Variants in TEX35 observed in about 807,000 individuals in gnomAD.
The protein encoded by TEX35 is testis expressed 35, also known as testis-expressed protein 35.
In TEX35, 26 loss-of-function variants were observed where a neutral mutation model predicts 31.9. The observed-to-expected ratio is 0.81, with a 90% CI of 0.60 to 1.13. The LOEUF is 1.13. TEX35 is among the 50% of genes most tolerant of loss of function. The pLI, the probability that TEX35 is intolerant of heterozygous loss-of-function variation, is 0.00. For synonymous variants in TEX35, 87 were observed against 90.7 expected, an observed-to-expected ratio of 0.96 and a Z score of 0.23; for missense variants, 278 against 273.5, an observed-to-expected ratio of 1.02 and a Z score of -0.12.
intron 3 of TEX35, 118 bp downstream of exon 3, chr1:178,514,886 C>A (rs1256712510): frequency 1.1e-5 from 9 of 813,502 alleles, no homozygotes; most frequent in Non-Finnish European, 1.6e-5. Flanking sequence ...AGGCACAGTG[C>A]AATTATCAAA....
At chr1:178,515,837 C>T in intron 3 of TEX35, 22 bp from the exon 4 acceptor site, 1 of 1,598,970 alleles carries the variant, frequency 6.3e-7, no homozygotes. Context: ...TCCTCCTTCT[C>T]TTCTCCATTT....
Position 178,514,718 on chromosome 1 carries a change from G to A in TEX35, c.109G>A (p.Val37Ile). The A allele has an allele frequency of 6.2e-7, 1 of 1,614,068 alleles. No homozygotes were observed. Among genetic ancestry groups the A allele is most frequent in the Non-Finnish European group, 8.5e-7 (1 of 1,179,978 alleles). ...TCCACAGACATTTGATTACAAAGCA[G>A]TTAAACAAGAAGGGCGGTTTACCAA... Reference protein sequence around the residue: ...EPTKTFDYKAVKQEGRFTKAG... With the variant: ...EPTKTFDYKAIKQEGRFTKAG... The change falls in exon 3 of 9, where the codon GTT (valine) becomes ATT (isoleucine). Residue 37 changes from valine (V) to isoleucine (I), a missense_variant. Coordinates refer to ENST00000319416, the MANE Select transcript of TEX35 (RefSeq NM_032126.5).
intron 5 of TEX35, 120 bp downstream of exon 5, chr1:178,516,794 A>C (rs1183528826): frequency 1.6e-6 from 1 of 609,124 alleles, no homozygotes; most frequent in East Asian, 3.0e-5. Flanking sequence ...ATTCCATTGC[A>C]AGAAAGCATT....
Position 178,522,514 on chromosome 1 carries a change from G to A in TEX35, c.*74G>A. 18 of 1,410,044 alleles carry A rather than the reference G, an allele frequency of 1.3e-5. No individual in the cohort carries two copies. The highest frequency in any genetic ancestry group is 1.7e-5 in the Non-Finnish European group (18 of 1,067,416). The allele number at this position is 1,410,044 out of a possible 1,614,324, so 87.3% of individuals were successfully genotyped here. ...AGTGTTTCAGAAACTGTCCTGCCCT[G>A]GGTGTGATTCTTTGGCTTCAATTTG... On this transcript the variant is annotated 3_prime_UTR_variant, in exon 9 of 9. Transcript: ENST00000319416.
chr1:178,516,540 T>G (rs926780894), intron 4 of TEX35, 75 bp from the exon 5 acceptor site: 1 of 1,335,866 alleles, frequency 7.5e-7, no homozygotes, highest in Non-Finnish European at 1.1e-6. Flanking sequence ...TTGCTTAAAA[T>G]GCCTGAAAGA....
intron 5 of TEX35, 105 bp from the exon 6 acceptor site, chr1:178,520,267 G>T: frequency 8.5e-7 from 1 of 1,170,952 alleles, no homozygotes; most frequent in Non-Finnish European, 1.2e-6. Context: ...GTCTAGCGAG[G>T]ATTCTTGAGG....
chr1:178,517,924 A>G (rs1650139043), intron 5 of TEX35, among the ~76,000 whole-genome samples: 1 of 152,224 alleles, frequency 6.6e-6, no homozygotes. Context: ...TTAACTATGT[A>G]AGATTTTTTT....
chr1:178,521,688 A>C (rs1381822918), intron 8 of TEX35: 2 of 1,551,984 alleles, frequency 1.3e-6, no homozygotes, highest in Admixed American at 3.9e-5. Context: ...TGCAGAACCT[A>C]CCAGCAGTTC....
intron 4 of TEX35, 46 bp downstream of exon 4, chr1:178,515,961 C>T: frequency 6.8e-7 from 1 of 1,466,364 alleles, no homozygotes; most frequent in Middle Eastern, 1.7e-4. Context: ...AGTGTAGCTT[C>T]AGGAAAAATG....
Position 178,520,465 on chromosome 1 carries a change from C to G in TEX35, c.341+29C>G. ...AGTGTAACCTGCACTCGTCTCTCCT[C>G]ATCCCTAAAGGGTCTCCTCCCTTCC... On this transcript the variant is annotated intron_variant, in intron 6 of 8. Transcript: ENST00000319416. The G allele has an allele frequency of 1.9e-6, 3 of 1,614,142 alleles. No homozygotes were observed. In the East Asian group the frequency reaches 6.7e-5, roughly 36 times the overall value.
rs1194928262 is a variant in TEX35 at position 178,520,785 on chromosome 1, G to A, written c.454G>A (p.Ala152Thr). 6.2e-7 allele frequency: 1 copy of A among 1,614,172 alleles called. No individual in the cohort carries two copies. The highest frequency in any genetic ancestry group is 8.5e-7 in the Non-Finnish European group (1 of 1,180,048). ...GGATGGAGCCAGTGGAGTCAATGGA[G>A]CACCCTGTGCTCTTCACAAGAAGAC... ...KMDGASGVNGAPCALHKKTMA... is the reference protein window; with the variant it reads ...KMDGASGVNGTPCALHKKTMA... Residue 152 changes from alanine (A) to threonine (T), a missense_variant, in exon 7 of 9, where the codon GCA becomes ACA. Coordinates refer to ENST00000319416, the MANE Select transcript of TEX35 (RefSeq NM_032126.5).
At chr1:178,514,110 C>G in intron 2 of TEX35, 33 bp downstream of exon 2, 1 of 1,614,144 alleles carries the variant, frequency 6.2e-7, no homozygotes, top group African/African-American at 1.3e-5. Context: ...TGCAGGCAGC[C>G]AGGCCTGAGA....
At chr1:178,521,789 TA>T (rs1474089852) in intron 8 of TEX35, 2 of 1,548,870 alleles carry the variant, frequency 1.3e-6, no homozygotes, top group African/African-American at 2.7e-5. Context: ...CACTGGAGAT[TA>T]AAAACCTTCA....
Position 178,522,394 on chromosome 1 carries a change from T to C in TEX35, c.656T>C (p.Val219Ala), listed in dbSNP as rs1265498054. 5 of 1,605,402 alleles carry C rather than the reference T, an allele frequency of 3.1e-6. No homozygotes were observed. The highest frequency in any genetic ancestry group is 1.7e-5 in the Admixed American group (1 of 59,162). ...GAGCCAGTGACCACCCAACCTTCTGTGGGCCACGCTGTGCCTGCCCCAAAG... is the reference window on the plus strand; with the variant it reads ...GAGCCAGTGACCACCCAACCTTCTGCGGGCCACGCTGTGCCTGCCCCAAAG... ...GEEPVTTQPS[V>A]GHAVPAPKSQ... is the part of the protein sequence containing the mutation. The change falls in exon 9 of 9, where the codon GTG becomes GCG. Residue 219 changes from valine to alanine, a missense_variant. Physicochemically the swap from Val to Ala is moderately conservative, Grantham distance 64 (BLOSUM62 0). Coordinates refer to ENST00000319416, the MANE Select transcript of TEX35 (RefSeq NM_032126.5).
At position 178,520,888 on chromosome 1, in the gene TEX35, T is replaced by G. The variant is rs1334488717; in HGVS notation, c.543+14T>G. 1 of 1,613,506 alleles carries G rather than the reference T, an allele frequency of 6.2e-7. No homozygotes were observed. Among genetic ancestry groups the G allele is most frequent in the Non-Finnish European group, 8.5e-7 (1 of 1,179,914 alleles). ...GGGACCTGCTGCGTAAGTGAAACCC[T>G]GCCCGAGCCCAGCACTGGTGCCAGA... On this transcript the variant is annotated intron_variant, in intron 7 of 8. Transcript: ENST00000319416.
At chr1:178,515,456 A>G (rs1031181887) in intron 3 of TEX35, among the ~76,000 whole-genome samples, 10 of 151,836 alleles carry the variant, frequency 6.6e-5, no homozygotes, top group African/African-American at 2.4e-4. Context: ...ATAACCCTCA[A>G]TTTGGCTTTG....
intron 1 of TEX35, 106 bp downstream of exon 1, chr1:178,513,333 T>C: frequency 2.1e-6 from 3 of 1,422,676 alleles, no homozygotes; most frequent in Non-Finnish European, 2.9e-6. Flanking sequence ...GAATCTCTGG[T>C]TTTTCTTTCT....
In TEX35 at chr1:178,520,823, A is replaced by C. The variant is rs367761176; in HGVS notation, c.492A>C (p.Gln164His). The C allele has an allele frequency of 3.7e-6, 6 of 1,614,078 alleles. No individual in the cohort carries two copies. In the African/African-American group the frequency reaches 8.0e-5, roughly 22 times the overall value. ...TTCACAAGAAGACGATGGCACCACA[A>C]AAAACAAAACAGGGCTCACTGGATC... ...CALHKKTMAPQKTKQGSLDPL... is the reference protein window; with the variant it reads ...CALHKKTMAPHKTKQGSLDPL... The change falls in exon 7 of 9, where the codon CAA (glutamine) becomes CAC (histidine). Residue 164 changes from glutamine (Q) to histidine (H), a missense_variant. Physicochemically the swap from Gln to His is conservative, Grantham distance 24. Transcript: ENST00000319416.
Position 178,520,763 on chromosome 1 carries a change from T to A in TEX35, c.432T>A (p.Asp144Glu). The change falls in exon 7 of 9, where the codon GAT becomes GAA. Residue 144 changes from aspartate to glutamate, a missense_variant. Physicochemically the swap from Asp to Glu is conservative, Grantham distance 45. Transcript: ENST00000319416. ...REPQLRPKKM[D>E]GASGVNGAPC... is the part of the protein sequence containing the mutation. The stretch of plus-strand genomic sequence containing the variant: ...CACAGCTCAGGCCCAAGAAAATGGA[T>A]GGAGCCAGTGGAGTCAATGGAGCAC... The A allele has an allele frequency of 6.2e-7, 1 of 1,614,038 alleles. No homozygotes were observed. Among genetic ancestry groups the A allele is most frequent in the Non-Finnish European group, 8.5e-7 (1 of 1,179,994 alleles).
Sources: allele counts gnomAD v4.1 joint callset (sites outside exome capture counted in the v4.1 genomes callset), GRCh38; gene constraint gnomAD v4.1.1; transcripts MANE v1.5; gene names NCBI Gene and HGNC (gene_info 2026-07-23, HGNC 2026-07-21).